OLAH: variants seen among roughly 807,000 people sequenced by gnomAD.
OLAH encodes the protein S-acyl fatty acid synthase thioesterase, medium chain.
Under a neutral mutation model 27.8 loss-of-function variants are expected in OLAH, and 33 were observed. The observed-to-expected ratio is 1.19, with a 90% CI of 0.90 to 1.59. The LOEUF (loss-of-function observed/expected upper bound fraction) is 1.59. Among genes scored for constraint, OLAH ranks in the 40% most tolerant of loss-of-function variants. The probability of loss-of-function intolerance (pLI) is 0.00; values close to 1 mark genes in which losing one functional copy is unlikely to be tolerated. For missense variants in OLAH, 359 were observed against 310.8 expected (o/e 1.16, Z -1.17); for synonymous variants, 120 against 102.9 (o/e 1.17, Z -1.01).
chr10:15,061,484 T>G (rs1302335876), intron 3 of OLAH, among the ~76,000 whole-genome samples: 1 of 152,136 alleles, frequency 6.6e-6, no homozygotes, highest in African/African-American at 2.4e-5. Context: ...TCCTTTGTTT[T>G]TTTTTTTCTT....
intron 3 of OLAH, among the ~76,000 whole-genome samples, chr10:15,053,320 C>T (rs1387097179): frequency 6.6e-6 from 1 of 152,176 alleles, no homozygotes; most frequent in Non-Finnish European, 1.5e-5. Context: ...ATAGCTACAA[C>T]ACACTGAAAG....
At chr10:15,054,951 G>C (rs1258385446) in intron 3 of OLAH, among the ~76,000 whole-genome samples, 4 of 151,778 alleles carry the variant, frequency 2.6e-5, no homozygotes, top group South Asian at 2.1e-4. Context: ...TCTGCTTTGT[G>C]AGGTGTTTTT....
intron 1 of OLAH, among the ~76,000 whole-genome samples, chr10:15,033,680 T>C (rs575766419): frequency 5.3e-5 from 8 of 152,210 alleles, no homozygotes; most frequent in South Asian, 2.1e-4. Context: ...GGCATTCTCA[T>C]TGCAAGATGG....
intron 1 of OLAH, among the ~76,000 whole-genome samples, chr10:15,032,582 C>G (rs564067637): frequency 2.0e-5 from 3 of 147,014 alleles, no homozygotes; most frequent in South Asian, 2.2e-4. Flanking sequence ...GATCACACCA[C>G]TGCACTCCAG....
At position 15,053,415 on chromosome 10, in the gene OLAH, T is replaced by A. The variant is rs145299465; in HGVS notation, c.163+3650T>A. On this transcript the variant is annotated intron_variant, in intron 3 of 7. Coordinates refer to ENST00000378228, the MANE Select transcript of OLAH (RefSeq NM_001039702.3). ...CGCACTAAGAGGCAAAATGGTGGTG[T>A]TTAACTGGTCCTTCTTCCAGAAAAA... Among the ~76,000 whole-genome samples the A allele has an allele frequency of 4.7e-3, 723 of 152,264 alleles. 5 individuals carry two copies. The highest frequency in any genetic ancestry group is 0.017 in the African/African-American group (697 of 41,554).
chr10:15,034,046 C>G (rs1054722492), intron 1 of OLAH, among the ~76,000 whole-genome samples: 4 of 151,146 alleles, frequency 2.6e-5, no homozygotes, highest in African/African-American at 9.7e-5. Context: ...AGGGAAACTA[C>G]CAGGAGAGAA....
intron 4 of OLAH, 115 bp downstream of exon 4, chr10:15,061,977 T>C (rs1274530990): frequency 7.6e-6 from 7 of 916,074 alleles, no homozygotes; most frequent in African/African-American, 1.7e-5. Flanking sequence ...TTAGACAGCA[T>C]GTTAGGTAAT....
At chr10:15,039,192 C>T (rs548003908), upstream of OLAH, among the ~76,000 whole-genome samples, 44 of 152,000 alleles carry the variant, frequency 2.9e-4, no homozygotes, top group Non-Finnish European at 4.4e-4. Flanking sequence ...CACCCCTGCA[C>T]GCCAGTCTGA....
intron 6 of OLAH, among the ~76,000 whole-genome samples, chr10:15,066,240 C>CAAA (rs201236007): frequency 2.2e-5 from 2 of 92,862 alleles, no homozygotes. Flanking sequence ...GACTCCATCT[C>CAAA]AAAAAAAAAA....
chr10:15,035,728 T>A (rs1589233402), intron 1 of OLAH, among the ~76,000 whole-genome samples: 1 of 152,134 alleles, frequency 6.6e-6, no homozygotes, highest in Non-Finnish European at 1.5e-5. Context: ...GGGCTCTGCA[T>A]TGGGACGCCA....
chr10:15,073,194 A>G lies in OLAH; in HGVS notation c.763A>G (p.Lys255Glu). 6.3e-7 allele frequency: 1 copy of G among 1,599,382 alleles called. No homozygotes were observed. The highest frequency in any genetic ancestry group is 1.1e-5 in the South Asian group (1 of 89,130). Residue 255 changes from lysine (K) to glutamate (E), a missense_variant, in exon 8 of 8, where the codon AAG (lysine) becomes GAG (glutamate). By Grantham distance (56) the Lys-to-Glu change is moderately conservative (BLOSUM62 1). Coordinates refer to ENST00000378228, the MANE Select transcript of OLAH (RefSeq NM_001039702.3). ...NEKLIKNYII[K>E]CLEVSSISNF ...GAAATTAATCAAGAACTACATAATC[A>G]AGTGTCTAGAAGTATCATCGATATC...
intron 6 of OLAH, among the ~76,000 whole-genome samples, chr10:15,066,956 G>C (rs1226574284): frequency 6.6e-6 from 1 of 152,032 alleles, no homozygotes. Flanking sequence ...AAGTTTTTGA[G>C]ATCTACTGCA....
In OLAH at chr10:15,047,168, T is replaced by C; in HGVS notation, c.-121T>C. On this transcript the variant is annotated 5_prime_UTR_variant, in exon 2 of 8. Transcript: ENST00000378228. ...AAGAGTCAGCGCCTTTAAAAAGAAATCTACTCACTCTTCTGTGTGCATAAG... is the reference window on the plus strand; with the variant it reads ...AAGAGTCAGCGCCTTTAAAAAGAAACCTACTCACTCTTCTGTGTGCATAAG... The C allele has an allele frequency of 1.2e-6, 1 of 861,176 alleles. No individual in the cohort carries two copies. The highest frequency in any genetic ancestry group is 1.8e-6 in the Non-Finnish European group (1 of 569,908). 53.3% of individuals were successfully genotyped at this position (861,176 alleles called of 1,614,324 possible). A position where few individuals can be genotyped will look rare whatever the true frequency, so the allele number is the denominator to read the frequency against.
chr10:15,055,199 C>T (rs373223218), intron 3 of OLAH, among the ~76,000 whole-genome samples: 1 of 152,136 alleles, frequency 6.6e-6, no homozygotes. Flanking sequence ...TTTATACTTT[C>T]TATATTCTGT....
upstream of OLAH, among the ~76,000 whole-genome samples, chr10:15,040,923 C>T (rs559972957): frequency 1.3e-5 from 2 of 152,166 alleles, no homozygotes; most frequent in Non-Finnish European, 2.9e-5. Flanking sequence ...AATCCTGCCT[C>T]CCTCTTAAGC....
At chr10:15,069,574 A>G (rs762302920) in intron 6 of OLAH, among the ~76,000 whole-genome samples, 1 of 152,124 alleles carries the variant, frequency 6.6e-6, no homozygotes, top group Non-Finnish European at 1.5e-5. Context: ...CCCATGGAAA[A>G]GAGGCTGCAT....
At chr10:15,058,757 G>A (rs186394273) in intron 3 of OLAH, among the ~76,000 whole-genome samples, 1 of 152,078 alleles carries the variant, frequency 6.6e-6, no homozygotes, top group Admixed American at 6.5e-5. Flanking sequence ...TTATTTTAGT[G>A]CAAGTCTGCT....
chr10:15,060,418 C>T (rs1844340246), intron 3 of OLAH, among the ~76,000 whole-genome samples: 1 of 152,134 alleles, frequency 6.6e-6, no homozygotes, highest in African/African-American at 2.4e-5. Context: ...GATCGGCCCA[C>T]CTCGGCCTGC....
chr10:15,065,550 A>T, intron 5 of OLAH, 34 bp from the exon 6 acceptor site: 1 of 1,571,612 alleles, frequency 6.4e-7, no homozygotes, highest in Non-Finnish European at 8.6e-7. Context: ...TGTTATATGA[A>T]ATATCAGGCC....
Sources: allele counts gnomAD v4.1 joint callset (sites outside exome capture counted in the v4.1 genomes callset), GRCh38; gene constraint gnomAD v4.1.1; transcripts MANE v1.5; gene names NCBI Gene and HGNC (gene_info 2026-07-23, HGNC 2026-07-21).